ATP8B1: variants seen among roughly 807,000 people sequenced by gnomAD.
The protein encoded by ATP8B1 is phospholipid-transporting ATPase IC.
Under a neutral mutation model 149.9 loss-of-function variants are expected in ATP8B1, and 80 were observed. That is an observed-to-expected ratio of 0.53 (90% confidence interval 0.45 to 0.64). The LOEUF is 0.64. Ranked by LOEUF, ATP8B1 falls within the 30% of genes least tolerant of loss-of-function variation. The probability of loss-of-function intolerance (pLI) is 0.00; values close to 1 mark genes in which losing one functional copy is unlikely to be tolerated. For missense variants in ATP8B1, 1,247 were observed against 1,552.6 expected, an observed-to-expected ratio of 0.80 and a Z score of 3.31; for synonymous variants, 536 against 562.8, an observed-to-expected ratio of 0.95 and a Z score of 0.67.
At chr18:57,653,154 T>A (rs1389403461) in intron 24 of ATP8B1, among the ~76,000 whole-genome samples, 2 of 152,136 alleles carry the variant, frequency 1.3e-5, no homozygotes, top group Non-Finnish European at 2.9e-5. Flanking sequence ...TTTTTAAGAA[T>A]TGGTATTAGA....
chr18:57,687,380 C>T (rs923369797), intron 13 of ATP8B1, among the ~76,000 whole-genome samples: 1 of 152,180 alleles, frequency 6.6e-6, no homozygotes, highest in African/African-American at 2.4e-5. Context: ...GCATAATGTC[C>T]TTAACCCATT....
At chr18:57,771,477 G>A (rs1185810583) in intron 1 of ATP8B1, among the ~76,000 whole-genome samples, 3 of 152,030 alleles carry the variant, frequency 2.0e-5, no homozygotes, top group Non-Finnish European at 2.9e-5. Flanking sequence ...TTATAATTAC[G>A]AAATGGTCTG....
chr18:57,752,890 A>C (rs2080035914), intron 1 of ATP8B1, among the ~76,000 whole-genome samples: 1 of 152,242 alleles, frequency 6.6e-6, no homozygotes, highest in Non-Finnish European at 1.5e-5. Flanking sequence ...TGTAGAATCA[A>C]GCTCAGAGTT....
intron 1 of ATP8B1, among the ~76,000 whole-genome samples, chr18:57,753,115 G>A (rs1372465880): frequency 6.6e-6 from 1 of 151,896 alleles, no homozygotes; most frequent in Non-Finnish European, 1.5e-5. Flanking sequence ...AAAAAACCCC[G>A]ATTAAAGAAA....
chr18:57,791,351 CTTT>C (rs570282416), intron 1 of ATP8B1, among the ~76,000 whole-genome samples: 2 of 82,394 alleles, frequency 2.4e-5, no homozygotes, highest in Non-Finnish European at 6.0e-5. Context: ...CTTTTCTTTT[CTTT>C]TTTTTTTTTT....
At chr18:57,764,286 CTTTCTTCTTTTCTTCCTTCCTTCT>C (rs1385712033) in intron 1 of ATP8B1, among the ~76,000 whole-genome samples, 2 of 151,490 alleles carry the variant, frequency 1.3e-5, no homozygotes, top group African/African-American at 4.8e-5. Flanking sequence ...TTCCTTCTTT[CTTTCTTCTTTTCTTCCTTCCTTCT>C]TTCTTTCTTT....
intron 15 of ATP8B1, among the ~76,000 whole-genome samples, chr18:57,680,515 C>T (rs1366766104): frequency 2.0e-5 from 3 of 150,862 alleles, no homozygotes; most frequent in Non-Finnish European, 4.4e-5. Context: ...ACCCGGGAGA[C>T]GGAGGTTGCA....
chr18:57,681,616 C>T (rs185380185), intron 15 of ATP8B1, among the ~76,000 whole-genome samples: 3 of 152,050 alleles, frequency 2.0e-5, no homozygotes, highest in African/African-American at 7.3e-5. Context: ...GCCTGGCCAA[C>T]ATGGTGAAGC....
At chr18:57,683,955 A>G in intron 15 of ATP8B1, 81 bp downstream of exon 15, 3 of 1,519,914 alleles carry the variant, frequency 2.0e-6, no homozygotes, top group Non-Finnish European at 1.8e-6. Context: ...ACTACTTGAC[A>G]TGCATTTGAG....
chr18:57,740,529 G>A (rs1045663070), intron 1 of ATP8B1: 2 of 150,398 alleles, frequency 1.3e-5, no homozygotes, highest in African/African-American at 4.9e-5. Context: ...TTTCCTGTGA[G>A]TGTGGCATAC....
At chr18:57,680,711 T>G (rs1394648856) in intron 15 of ATP8B1, among the ~76,000 whole-genome samples, 2 of 151,020 alleles carry the variant, frequency 1.3e-5, no homozygotes, top group African/African-American at 4.9e-5. Flanking sequence ...ATTTGCCAAG[T>G]GTCTCCCACA....
rs1162120261 is a variant in ATP8B1 at position 57,802,455 on chromosome 18, G to C, written c.-26+543C>G. 1.3e-5 allele frequency among the ~76,000 whole-genome samples: 2 copies of C among 152,186 alleles called. No homozygotes were observed. Among genetic ancestry groups the C allele is most frequent in the African/African-American group, 2.4e-5 (1 of 41,454 alleles). Reference sequence around the variant, plus strand: ...GGGAGTACCTGGCCCTGCCACAGGAGCTGGGGAGGAGAGCGATCTCACCCC... The same window carrying C: ...GGGAGTACCTGGCCCTGCCACAGGACCTGGGGAGGAGAGCGATCTCACCCC... On this transcript the variant is annotated intron_variant, in intron 1 of 27. Coordinates refer to ENST00000648908, the MANE Select transcript of ATP8B1 (RefSeq NM_001374385.1). This position sits in a 1 kb window ranked among gnomAD's most constrained non-coding sequence, Gnocchi z 4.9.
intron 1 of ATP8B1, among the ~76,000 whole-genome samples, chr18:57,736,512 G>A (rs1392333954): frequency 7.1e-6 from 1 of 141,684 alleles, no homozygotes; most frequent in Non-Finnish European, 1.5e-5. Context: ...TCAGGCTAGA[G>A]TGTAGTAGGA....
chr18:57,789,876 C>T (rs1417371372), intron 1 of ATP8B1, among the ~76,000 whole-genome samples: 1 of 152,172 alleles, frequency 6.6e-6, no homozygotes, highest in Admixed American at 6.6e-5. Flanking sequence ...GCTTCCGAAG[C>T]GTTTCCAGCA....
chr18:57,782,156 G>C (rs969350273), intron 1 of ATP8B1, among the ~76,000 whole-genome samples: 2 of 152,230 alleles, frequency 1.3e-5, no homozygotes, highest in African/African-American at 4.8e-5. Context: ...CATTTAATTG[G>C]AGAATGGAGC....
chr18:57,706,818 A>C (rs571432555), intron 2 of ATP8B1, among the ~76,000 whole-genome samples: 8 of 152,318 alleles, frequency 5.3e-5, no homozygotes, highest in African/African-American at 9.6e-5. Flanking sequence ...TTGGACACAG[A>C]GATAGATGGA....
At position 57,702,769 on chromosome 18, in the gene ATP8B1, A is replaced by G. The variant is rs151334255; in HGVS notation, c.394-1456T>C. On this transcript the variant is annotated intron_variant, in intron 4 of 27. Coordinates refer to ENST00000648908, the MANE Select transcript of ATP8B1 (RefSeq NM_001374385.1). ...CTACTCAGGAGGCTGAGGCAGGAGA[A>G]TAGCTTGAACCTGGGAGGCAGAGGT... is the stretch of plus-strand genomic sequence containing the variant. Among the ~76,000 whole-genome samples, 1,203 of 152,076 alleles carry G rather than the reference A, an allele frequency of 7.9e-3. 25 individuals are homozygous for G. Among genetic ancestry groups the G allele is most frequent in the African/African-American group, 0.028 (1,146 of 41,466 alleles).
chr18:57,696,913 A>C (rs1912845073), intron 8 of ATP8B1, among the ~76,000 whole-genome samples: 2 of 152,338 alleles, frequency 1.3e-5, no homozygotes, highest in Admixed American at 1.3e-4. Context: ...ACAGAACTTC[A>C]TTCTCTTTTA....
intron 2 of ATP8B1, among the ~76,000 whole-genome samples, chr18:57,709,428 TATAATC>T (rs1913579183): frequency 6.6e-6 from 1 of 152,214 alleles, no homozygotes; most frequent in South Asian, 2.1e-4. Context: ...CCAAAATTAA[TATAATC>T]ATAGGCACTT....
Sources: gnomAD v4.1 joint callset for allele counts (sites outside exome capture counted in the v4.1 genomes callset) on GRCh38, gnomAD v4.1.1 for gene constraint, Gnocchi (gnomAD v3.1) non-coding constraint, MANE v1.5 for transcripts, NCBI Gene and HGNC (gene_info 2026-07-23, HGNC 2026-07-21) for gene names.